The following METTL6 variants were observed in gnomAD, a reference collection of about 807,000 sequenced individuals.
METTL6 encodes methyltransferase 6, tRNA N3-cytidine, also known as tRNA N(3)-cytidine methyltransferase METTL6.
Under a neutral mutation model 26.4 loss-of-function variants are expected in METTL6, and 22 were observed. The observed-to-expected ratio is 0.83, with a 90% CI of 0.59 to 1.19. The LOEUF is 1.19. Among genes scored for constraint, METTL6 ranks in the 50% most tolerant of loss-of-function variants. The pLI, the probability that METTL6 is intolerant of heterozygous loss-of-function variation, is 0.00. For missense variants in METTL6, 304 were observed against 324.8 expected, an observed-to-expected ratio of 0.94 and a Z score of 0.49; for synonymous variants, 109 against 116.2, an observed-to-expected ratio of 0.94 and a Z score of 0.40.
At chr3:15,411,474 A>G in intron 5 of METTL6, 37 bp from the exon 6 acceptor site, 1 of 1,588,288 alleles carries the variant, frequency 6.3e-7, no homozygotes. Context: ...AACAGTCTTC[A>G]TAACATTACA....
chr3:15,426,727 CA>C (rs1008650785), intron 1 of METTL6, 92 bp from the exon 2 acceptor site: 207 of 556,294 alleles, frequency 3.7e-4, no homozygotes, highest in South Asian at 7.1e-4. Context: ...GCAGACTGTA[CA>C]AAAAAAAATC....
intron 1 of METTL6, among the ~76,000 whole-genome samples, chr3:15,427,106 G>A (rs532672072): frequency 8.5e-5 from 13 of 152,318 alleles, no homozygotes; most frequent in African/African-American, 3.1e-4. Flanking sequence ...CTCATTTCCT[G>A]ATCACACTCA....
exon 7 of METTL6, chr3:15,383,462 AC>A (rs1451517243): frequency 6.6e-6 from 1 of 151,016 alleles, no homozygotes; most frequent in African/African-American, 2.4e-5. Flanking sequence ...GGTGTCTGGA[AC>A]CCCTGAATTC....
At chr3:15,390,291 G>A (rs1181663588) in intron 6 of METTL6, among the ~76,000 whole-genome samples, 2 of 152,048 alleles carry the variant, frequency 1.3e-5, no homozygotes, top group Non-Finnish European at 2.9e-5. Flanking sequence ...AGCTGGGTGT[G>A]TTGGTACGCA....
At chr3:15,389,837 C>T (rs953296263) in intron 6 of METTL6, among the ~76,000 whole-genome samples, 1 of 149,398 alleles carries the variant, frequency 6.7e-6, no homozygotes, top group African/African-American at 2.5e-5. Flanking sequence ...CATACGCCAC[C>T]GCGCCCGGCC....
At chr3:15,392,615 T>C (rs1699380588) in intron 6 of METTL6, among the ~76,000 whole-genome samples, 1 of 152,182 alleles carries the variant, frequency 6.6e-6, no homozygotes, top group South Asian at 2.1e-4. Context: ...CCTTCTAGGG[T>C]TTTTATGGTT....
intron 6 of METTL6, among the ~76,000 whole-genome samples, chr3:15,392,346 G>GT (rs554743370): frequency 0.074 from 11,220 of 151,666 alleles, 516 homozygotes; most frequent in African/African-American, 0.12. Flanking sequence ...TGATGGGGTT[G>GT]TTTTTTTTCT....
chr3:15,415,532 C>T (rs1354079877), intron 4 of METTL6: 12 of 1,597,408 alleles, frequency 7.5e-6, no homozygotes, highest in Non-Finnish European at 1.0e-5. Flanking sequence ...CAGGTAACTG[C>T]AAAATCATCC....
chr3:15,416,650 A>G (rs1244027856), intron 3 of METTL6, among the ~76,000 whole-genome samples: 1 of 152,170 alleles, frequency 6.6e-6, no homozygotes, highest in Non-Finnish European at 1.5e-5. Context: ...ATGCTCCCGC[A>G]GTTCTTCTGG....
At chr3:15,404,589 G>A (rs1290306724) in intron 6 of METTL6, among the ~76,000 whole-genome samples, 1 of 150,792 alleles carries the variant, frequency 6.6e-6, no homozygotes, top group Non-Finnish European at 1.5e-5. Flanking sequence ...GACTTCAGGT[G>A]ATCCGCCTGC....
intron 3 of METTL6, among the ~76,000 whole-genome samples, chr3:15,421,722 C>T (rs1050531698): frequency 2.0e-5 from 3 of 152,102 alleles, no homozygotes; most frequent in Admixed American, 2.0e-4. Context: ...CCAGCCTGTC[C>T]AACATAGTGA....
chr3:15,398,032 G>A (rs376024562), intron 6 of METTL6, among the ~76,000 whole-genome samples: 11 of 151,690 alleles, frequency 7.3e-5, no homozygotes, highest in African/African-American at 1.9e-4. Flanking sequence ...CCAACCAATC[G>A]GCAGCAAGCA....
At chr3:15,415,505 C>A (rs772572853) in intron 4 of METTL6, 2 of 1,592,992 alleles carry the variant, frequency 1.3e-6, no homozygotes, top group South Asian at 1.1e-5. Flanking sequence ...CACCTTATAG[C>A]AGGACTCCAT....
At chr3:15,419,156 C>A (rs2061554634) in intron 3 of METTL6, among the ~76,000 whole-genome samples, 2 of 144,606 alleles carry the variant, frequency 1.4e-5, no homozygotes, top group Admixed American at 7.1e-5. Flanking sequence ...GAGACCTTGT[C>A]CAAAAATAAA....
Position 15,426,563 on chromosome 3 carries a change from A to G in METTL6, c.-52T>C. On this transcript the variant is annotated 5_prime_UTR_variant, in exon 2 of 6. Transcript: ENST00000383790. ...ACAGCTGAAGATTCTCCATCACCAA[A>G]TAATATGAATCCACGCTAATGGATC... 1 of 1,523,528 alleles carries G rather than the reference A, an allele frequency of 6.6e-7. No homozygotes were observed. Among genetic ancestry groups the G allele is most frequent in the Non-Finnish European group, 9.0e-7 (1 of 1,108,804 alleles). The allele number at this position is 1,523,528 out of a possible 1,614,324, so 94.4% of individuals were successfully genotyped here.
intron 6 of METTL6, chr3:15,384,541 G>T: frequency 6.3e-6 from 1 of 157,958 alleles, no homozygotes; most frequent in South Asian, 1.8e-4. Context: ...AGGAGTTCAG[G>T]ACCAGCCTGG....
At chr3:15,399,329 A>G (rs1329865842) in intron 6 of METTL6, 1 of 151,972 alleles carries the variant, frequency 6.6e-6, no homozygotes, top group Non-Finnish European at 1.5e-5. Context: ...CAGAGTAGCC[A>G]TTCTTTTATT....
intron 6 of METTL6, among the ~76,000 whole-genome samples, chr3:15,402,743 A>C (rs1699682876): frequency 6.6e-6 from 1 of 150,858 alleles, no homozygotes; most frequent in Admixed American, 6.6e-5. Context: ...CTCAAAAAAA[A>C]AAAAAAGAAA....
chr3:15,419,248 A>G lies in METTL6; in HGVS notation c.361-3306T>C, dbSNP rs77509574. Among the ~76,000 whole-genome samples the G allele has an allele frequency of 1.7e-3, 262 of 152,346 alleles. 7 individuals carry two copies. The East Asian group carries it at 0.043, about 25-fold the overall frequency. ...ACTAGAAGAAATGTTTGCAACATACATACCAAAATATCTAGAATATATCCT... is the reference window on the plus strand; with the variant it reads ...ACTAGAAGAAATGTTTGCAACATACGTACCAAAATATCTAGAATATATCCT... On this transcript the variant is annotated intron_variant, in intron 3 of 5. Transcript: ENST00000383790.
Sources: gnomAD v4.1 joint callset for allele counts (sites outside exome capture counted in the v4.1 genomes callset) on GRCh38, gnomAD v4.1.1 for gene constraint, MANE v1.5 for transcripts, NCBI Gene and HGNC (gene_info 2026-07-23, HGNC 2026-07-21) for gene names.